PALM2AKAP2: variants seen among roughly 807,000 people sequenced by gnomAD.
PALM2AKAP2 encodes the protein PALM2 and AKAP2 fusion.
PALM2AKAP2 carries 37 observed loss-of-function variants against 71.5 expected under a neutral mutation model. The observed-to-expected ratio is 0.52, with a 90% CI of 0.40 to 0.68. The LOEUF is 0.68. PALM2AKAP2 is among the 30% of genes least tolerant of loss of function. The pLI is 0.00. For missense variants in PALM2AKAP2, 1,224 were observed against 1,191.8 expected (o/e 1.03, Z -0.40); for synonymous variants, 468 against 478.8 (o/e 0.98, Z 0.29).
At chr9:110,023,048 T>A (rs1290360708) in intron 7 of PALM2AKAP2, among the ~76,000 whole-genome samples, 1 of 152,090 alleles carries the variant, frequency 6.6e-6, no homozygotes, top group Non-Finnish European at 1.5e-5. Context: ...TACGTGTGCA[T>A]GTGTCTTTAT....
intron 7 of PALM2AKAP2, among the ~76,000 whole-genome samples, chr9:110,025,843 A>G (rs994892522): frequency 6.6e-6 from 1 of 152,130 alleles, no homozygotes; most frequent in African/African-American, 2.4e-5. Context: ...GTTAATTTTT[A>G]ATGGCTTGAT....
intron 5 of PALM2AKAP2, among the ~76,000 whole-genome samples, chr9:109,928,674 TC>T (rs1213097235): frequency 6.8e-5 from 10 of 146,982 alleles, no homozygotes; most frequent in Non-Finnish European, 1.5e-4. Context: ...TCTCTCGCTC[TC>T]TTTTTTTTTT....
intron 1 of PALM2AKAP2, among the ~76,000 whole-genome samples, chr9:109,858,174 T>G (rs1444034633): frequency 6.6e-6 from 1 of 152,200 alleles, no homozygotes; most frequent in Non-Finnish European, 1.5e-5. Context: ...GTTTGATGCT[T>G]ACTAGCCATG....
At chr9:110,057,536 G>A (rs914313395) in intron 1 of PALM2AKAP2, among the ~76,000 whole-genome samples, 5 of 151,830 alleles carry the variant, frequency 3.3e-5, no homozygotes, top group South Asian at 2.1e-4. Context: ...GTGCCACCAC[G>A]CCCGGCTAAT....
chr9:109,943,051 G>A (rs144153565), intron 6 of PALM2AKAP2: 25 of 1,614,194 alleles, frequency 1.5e-5, no homozygotes, highest in Admixed American at 6.7e-5. Flanking sequence ...CCATTCTTCC[G>A]GGAACCCAGG....
chr9:109,813,740 T>C (rs1827782743), intron 1 of PALM2AKAP2, among the ~76,000 whole-genome samples: 1 of 152,168 alleles, frequency 6.6e-6, no homozygotes, highest in South Asian at 2.1e-4. Flanking sequence ...CCATAACTCT[T>C]AGGAAGAACT....
At chr9:109,820,942 G>A (rs2131489127) in intron 1 of PALM2AKAP2, among the ~76,000 whole-genome samples, 1 of 152,356 alleles carries the variant, frequency 6.6e-6, no homozygotes, top group Admixed American at 6.5e-5. Flanking sequence ...TTACTTTAGA[G>A]TCTACTGCCT....
intron 1 of PALM2AKAP2, among the ~76,000 whole-genome samples, chr9:109,802,613 T>G (rs1030181213): frequency 1.3e-5 from 2 of 152,230 alleles, no homozygotes; most frequent in Non-Finnish European, 2.9e-5. Flanking sequence ...TCCCAGGGCC[T>G]CAGAATCCTT....
At chr9:109,852,076 A>T (rs894218768) in intron 1 of PALM2AKAP2, among the ~76,000 whole-genome samples, 3 of 146,952 alleles carry the variant, frequency 2.0e-5, no homozygotes, top group East Asian at 1.9e-4. Context: ...ATCAGCTTTT[A>T]AAAAAAAAAT....
At chr9:109,798,225 C>T (rs531498720) in intron 1 of PALM2AKAP2, among the ~76,000 whole-genome samples, 10 of 152,274 alleles carry the variant, frequency 6.6e-5, no homozygotes, top group Non-Finnish European at 1.3e-4. Context: ...ACCCTAATGA[C>T]ATAAGTTGAT....
At chr9:109,708,099 G>T (rs1408430573) in intron 1 of PALM2AKAP2, among the ~76,000 whole-genome samples, 1 of 152,018 alleles carries the variant, frequency 6.6e-6, no homozygotes, top group African/African-American at 2.4e-5. Context: ...ATCGCTGTGG[G>T]CATCATTGTC....
At chr9:110,147,918 GA>G (rs1248486762) in intron 2 of PALM2AKAP2, among the ~76,000 whole-genome samples, 13 of 152,232 alleles carry the variant, frequency 8.5e-5, no homozygotes, top group African/African-American at 2.9e-4. Context: ...TACTTCCTTA[GA>G]ATTAACATTT....
intron 3 of PALM2AKAP2, among the ~76,000 whole-genome samples, chr9:109,914,593 G>T (rs982749813): frequency 6.6e-6 from 1 of 152,198 alleles, no homozygotes; most frequent in African/African-American, 2.4e-5. Context: ...GGCCAGACAG[G>T]CACCCCACTT....
chr9:109,687,837 T>C (rs1827825482), intron 1 of PALM2AKAP2, among the ~76,000 whole-genome samples: 1 of 152,228 alleles, frequency 6.6e-6, no homozygotes, highest in Non-Finnish European at 1.5e-5. Flanking sequence ...TAGCTTTTGA[T>C]TCAAAATGAG....
At chr9:109,716,575 G>A (rs530970220) in intron 1 of PALM2AKAP2, among the ~76,000 whole-genome samples, 2 of 144,342 alleles carry the variant, frequency 1.4e-5, no homozygotes, top group African/African-American at 4.9e-5. Context: ...CTGTAAGCTG[G>A]CAGGTACCTG....
At chr9:109,796,668 C>T (rs373157898) in intron 1 of PALM2AKAP2, among the ~76,000 whole-genome samples, 2 of 148,280 alleles carry the variant, frequency 1.3e-5, no homozygotes, top group South Asian at 4.4e-4. Flanking sequence ...GGGAAGCAGG[C>T]ACATCTTACG....
chr9:110,115,863 G>C lies in PALM2AKAP2; in HGVS notation c.157-20264G>C, dbSNP rs56868795. Among the ~76,000 whole-genome samples, 406 of 152,330 alleles carry C rather than the reference G, an allele frequency of 2.7e-3. 8 individuals carry two copies. The East Asian group carries it at 0.038, about 14-fold the overall frequency. On this transcript the variant is annotated intron_variant, in intron 1 of 3. Coordinates refer to ENST00000374525, the Ensembl canonical transcript of PALM2AKAP2. ...GATCAAACCATTTTCCTGTTGGAAA[G>C]TGGTAGGTCCTTTTGTTAAGTGTTC...
intron 1 of PALM2AKAP2, among the ~76,000 whole-genome samples, chr9:109,700,741 C>T (rs1363903502): frequency 6.6e-6 from 1 of 152,194 alleles, no homozygotes; most frequent in Non-Finnish European, 1.5e-5. Flanking sequence ...TTTTGCTGGG[C>T]TGTGTCTGTC....
intron 1 of PALM2AKAP2, among the ~76,000 whole-genome samples, chr9:109,663,420 A>G (rs1587858601): frequency 6.6e-6 from 1 of 152,108 alleles, no homozygotes. Context: ...GAACTTCTTT[A>G]TTTCTGCCTT....
Sources: gnomAD v4.1 joint callset for allele counts (sites outside exome capture counted in the v4.1 genomes callset) on GRCh38, gnomAD v4.1.1 for gene constraint, MANE v1.5 for transcripts, NCBI Gene and HGNC (gene_info 2026-07-23, HGNC 2026-07-21) for gene names.